MROH1: variants seen among roughly 807,000 people sequenced by gnomAD.
The protein encoded by MROH1 is maestro heat like repeat family member 1.
In MROH1, 117 loss-of-function variants were observed where a neutral mutation model predicts 116.5. The ratio of observed to expected loss-of-function variants is 1.00; its 90% CI spans 0.86 to 1.17. MROH1 has a LOEUF of 1.17. Among genes scored for constraint, MROH1 ranks in the 50% most tolerant of loss-of-function variants. The pLI is 0.00. For synonymous variants in MROH1, 921 were observed against 583.9 expected, an observed-to-expected ratio of 1.58 and a Z score of -8.32; for missense variants, 1,873 against 1,338.5, an observed-to-expected ratio of 1.40 and a Z score of -6.23.
chr8:144,194,209 C>T (rs140026447), intron 10 of MROH1, among the ~76,000 whole-genome samples: 5 of 151,864 alleles, frequency 3.3e-5, no homozygotes, highest in South Asian at 2.1e-4. Flanking sequence ...GTTACAGGCA[C>T]GCACCACCAC....
In MROH1 at chr8:144,180,308, T is replaced by C; in HGVS notation, c.431T>C (p.Leu144Pro). ...GGGACCCTGCCACACTGCGCCGTGC[T>C]GCACACCCTCGCCAGCCTCTCGGTG... is the stretch of plus-strand genomic sequence containing the variant. ...HPGTLPHCAV[L>P]HTLASLSVAN... The change falls in exon 6 of 44, where the codon CTG becomes CCG. Residue 144 changes from leucine to proline, a missense_variant. Physicochemically the swap from Leu to Pro is moderately conservative, Grantham distance 98. Coordinates refer to ENST00000326134, the MANE Select transcript of MROH1 (RefSeq NM_032450.3). This position sits in a 1 kb window ranked among gnomAD's most constrained non-coding sequence, Gnocchi z 7.4. 3.1e-6 allele frequency: 5 copies of C among 1,606,790 alleles called. No homozygotes were observed. Among genetic ancestry groups the C allele is most frequent in the Non-Finnish European group, 4.2e-6 (5 of 1,179,474 alleles).
At position 144,163,620 on chromosome 8, in the gene MROH1, T is replaced by A; in HGVS notation, c.-56-151T>A. The A allele has an allele frequency of 1.8e-6, 1 of 555,234 alleles. No individual in the cohort carries two copies. The highest frequency in any genetic ancestry group is 3.2e-6 in the Non-Finnish European group (1 of 312,174). The allele number at this position is 555,234 out of a possible 1,614,324, so 34.4% of individuals were successfully genotyped here. On this transcript the variant is annotated intron_variant, in intron 2 of 43. Transcript: ENST00000326134. This position sits in a 1 kb window ranked among gnomAD's most constrained non-coding sequence, Gnocchi z 4.4. ...TTGAGGATCATGATGCCTTTTGCCC[T>A]CCCTGAGTGGCTCAAAGAAAATGTG...
chr8:144,251,380 A>G (rs1842820983), intron 33 of MROH1: 1 of 152,318 alleles, frequency 6.6e-6, no homozygotes, highest in South Asian at 2.1e-4. Flanking sequence ...ATCCACTGTC[A>G]TATCTTTTGC....
intron 10 of MROH1, among the ~76,000 whole-genome samples, chr8:144,194,808 T>C (rs1245813941): frequency 6.6e-6 from 1 of 151,844 alleles, no homozygotes; most frequent in African/African-American, 2.4e-5. Context: ...TTCAGGAGGC[T>C]GAGGTTGGAG....
chr8:144,160,072 G>A (rs1051288241), intron 1 of MROH1, among the ~76,000 whole-genome samples: 3 of 152,104 alleles, frequency 2.0e-5, no homozygotes, highest in African/African-American at 4.8e-5. Context: ...CCCGGCCCAC[G>A]CCTGGTAATT....
Position 144,152,393 on chromosome 8 carries a change from A to AT in MROH1, c.-177+4331dup, listed in dbSNP as rs141793518. The stretch of plus-strand genomic sequence containing the variant: ...TGCCTTGTTTTTTTATTTAAAAAAA[A>AT]TTTTTTTTTTTTTTGAGACGGAGTC... On this transcript the variant is annotated intron_variant, in intron 1 of 43. Coordinates refer to ENST00000326134, the MANE Select transcript of MROH1 (RefSeq NM_032450.3). Among the ~76,000 whole-genome samples, 56 of 145,636 alleles carry AT rather than the reference A, an allele frequency of 3.8e-4. 1 individual carries two copies. Among genetic ancestry groups the AT allele is most frequent in the African/African-American group, 1.2e-3 (48 of 40,078 alleles).
chr8:144,204,597 CTTCTAACAATAGAAGA>C (rs1429392102), intron 12 of MROH1, among the ~76,000 whole-genome samples: 1 of 152,178 alleles, frequency 6.6e-6, no homozygotes, highest in Non-Finnish European at 1.5e-5. Context: ...GAAGGGGTGA[CTTCTAACAATAGAAGA>C]TAGTGTTGCT....
At chr8:144,249,708 C>G (rs960718043) in intron 32 of MROH1, among the ~76,000 whole-genome samples, 37 of 152,312 alleles carry the variant, frequency 2.4e-4, no homozygotes, top group African/African-American at 3.8e-4. Flanking sequence ...CACAGCCCCC[C>G]CCAAGTCCCA....
chr8:144,209,074 T>TGTGTGTGTGTGTGTGTG (rs1833515725), intron 12 of MROH1, among the ~76,000 whole-genome samples: 1 of 138,056 alleles, frequency 7.2e-6, no homozygotes, highest in African/African-American at 2.7e-5. Flanking sequence ...TGTGTGTGTG[T>TGTGTGTGTGTGTGTGTG]TTAGTGGAGA....
chr8:144,185,910 C>T (rs1261553905), intron 7 of MROH1, among the ~76,000 whole-genome samples: 2 of 42,510 alleles, frequency 4.7e-5, no homozygotes, highest in African/African-American at 2.1e-4. Flanking sequence ...GGCGGGGGGG[C>T]GGCGAGGGGC....
chr8:144,239,727 T>A lies in MROH1; in HGVS notation c.1746T>A (p.Thr582=). ...HPLLGQHWET[T]VPLLLGYLDE... is the part of the protein sequence containing the mutation. ...TGCTGGGTCAGCATTGGGAAACGAC[T>A]GTCCCGCTGCTGCTGGGGTACCTGG... Residue 582 remains threonine, a synonymous_variant, in exon 18 of 44, where the codon ACT becomes ACA. Transcript: ENST00000326134. The A allele has an allele frequency of 2.8e-6, 2 of 720,232 alleles. No individual in the cohort carries two copies. Among genetic ancestry groups the A allele is most frequent in the Non-Finnish European group, 5.2e-6 (2 of 386,558 alleles). 44.6% of individuals were successfully genotyped at this position (720,232 alleles called of 1,614,324 possible).
rs1427543037 is a variant in MROH1 at position 144,243,475 on chromosome 8, T to C, written c.2353-19T>C. Reference sequence around the variant, plus strand: ...GGAGGGCGGGCGTGGGCGTCTCCTGTAGCCCTGCGTCCCTGCAGGACCCAG... The same window carrying C: ...GGAGGGCGGGCGTGGGCGTCTCCTGCAGCCCTGCGTCCCTGCAGGACCCAG... On this transcript the variant is annotated intron_variant, in intron 24 of 43. Coordinates refer to ENST00000326134, the MANE Select transcript of MROH1 (RefSeq NM_032450.3). The C allele has an allele frequency of 5.1e-6, 4 of 778,514 alleles. No homozygotes were observed. In the Admixed American group the frequency reaches 6.8e-5, roughly 13 times the overall value. The allele number at this position is 778,514 out of a possible 1,614,324, so 48.2% of individuals were successfully genotyped here.
Position 144,223,325 on chromosome 8 carries a change from G to A in MROH1, c.1338+95G>A, listed in dbSNP as rs1412857572. ...AGGAGCCACTGGCCCAGCAGAGGGT[G>A]GATATGTGGGCTGCAGTCTGCGTGC... On this transcript the variant is annotated intron_variant, in intron 14 of 43. Transcript: ENST00000326134. 5 of 1,466,018 alleles carry A rather than the reference G, an allele frequency of 3.4e-6. No homozygotes were observed. The South Asian group carries it at 6.4e-5, about 19-fold the overall frequency. 90.8% of individuals were successfully genotyped at this position (1,466,018 alleles called of 1,614,324 possible). A position where few individuals can be genotyped will look rare whatever the true frequency, so the allele number is the denominator to read the frequency against.
chr8:144,260,460 T>C (rs1191415584), intron 39 of MROH1, 86 bp downstream of exon 39: 1 of 697,692 alleles, frequency 1.4e-6, no homozygotes, highest in Admixed American at 2.0e-5. Context: ...CCCACCCTCC[T>C]CCCTGTCTCC....
intron 34 of MROH1, 57 bp from the exon 35 acceptor site, chr8:144,255,452 G>A: frequency 1.3e-6 from 1 of 759,296 alleles, no homozygotes; most frequent in Non-Finnish European, 2.4e-6. Flanking sequence ...TGGGTGCAGG[G>A]CTCAGATCTC....
intron 1 of MROH1, among the ~76,000 whole-genome samples, chr8:144,155,600 T>C (rs2130646198): frequency 6.6e-6 from 1 of 152,128 alleles, no homozygotes; most frequent in African/African-American, 2.4e-5. Flanking sequence ...AAGGACCAAC[T>C]GTATGATGTT....
chr8:144,230,413 C>T (rs1838628754), intron 14 of MROH1, among the ~76,000 whole-genome samples: 1 of 151,878 alleles, frequency 6.6e-6, no homozygotes, highest in Non-Finnish European at 1.5e-5. Flanking sequence ...CCTTTGTATT[C>T]ACAACATGGC....
chr8:144,152,914 A>G (rs1349946723), intron 1 of MROH1, among the ~76,000 whole-genome samples: 1 of 152,170 alleles, frequency 6.6e-6, no homozygotes, highest in Admixed American at 6.5e-5. Context: ...TTTCAAGTAT[A>G]TATCACGTTG....
intron 14 of MROH1, among the ~76,000 whole-genome samples, chr8:144,225,430 A>G (rs371809128): frequency 1.2e-4 from 18 of 152,212 alleles, no homozygotes; most frequent in African/African-American, 3.4e-4. Context: ...CAGCCTCCCA[A>G]AGTGCTGGGA....
Sources: gnomAD v4.1 joint callset for allele counts (sites outside exome capture counted in the v4.1 genomes callset) on GRCh38, gnomAD v4.1.1 for gene constraint, Gnocchi (gnomAD v3.1) non-coding constraint, MANE v1.5 for transcripts, NCBI Gene and HGNC (gene_info 2026-07-23, HGNC 2026-07-21) for gene names.